Variants in SDK2 observed in about 807,000 individuals in gnomAD.
SDK2 encodes the protein protein sidekick-2.
In SDK2, 105 loss-of-function variants were observed where a neutral mutation model predicts 253.9. That is an observed-to-expected ratio of 0.41 (90% CI 0.35 to 0.49). The LOEUF is 0.49. SDK2 is among the 20% of genes least tolerant of loss of function. The pLI is 0.06. For synonymous variants in SDK2, 1,249 were observed against 1,234.9 expected (o/e 1.01, Z -0.24); for missense variants, 2,608 against 3,003.0 (o/e 0.87, Z 3.07).
chr17:73,386,364 C>G, intron 31 of SDK2, 81 bp downstream of exon 31: 1 of 1,019,938 alleles, frequency 9.8e-7, no homozygotes, highest in Non-Finnish European at 1.5e-6. Context: ...TTTGGAGGCC[C>G]CTCCCCCCGT....
chr17:73,348,697 G>C lies in SDK2; in HGVS notation c.6067C>G (p.Leu2023Val). 6.2e-7 allele frequency: 1 copy of C among 1,610,296 alleles called. No homozygotes were observed. ...RSPPRPSPGSLHYSDEDVTKY... is the reference protein window; with the variant it reads ...RSPPRPSPGSVHYSDEDVTKY... Reference sequence around the variant, plus strand: ...GTGACATCCTCATCCGAGTAGTGCAGGCTGCCTGGGCTGGGCCTGGGGGGA... The same window carrying C: ...GTGACATCCTCATCCGAGTAGTGCACGCTGCCTGGGCTGGGCCTGGGGGGA... Residue 2023 changes from leucine (L) to valine (V), a missense_variant, in exon 44 of 45, where the codon CTG becomes GTG. By Grantham distance (32) the Leu-to-Val change is conservative. Coordinates refer to ENST00000392650, the MANE Select transcript of SDK2 (RefSeq NM_001144952.2).
intron 3 of SDK2, among the ~76,000 whole-genome samples, chr17:73,458,276 G>T (rs2063541421): frequency 6.6e-6 from 1 of 152,356 alleles, no homozygotes; most frequent in South Asian, 2.1e-4. Context: ...TGTTCAGGTA[G>T]TTCCAACGTG....
At chr17:73,423,142 C>T (rs1239009925) in intron 14 of SDK2, among the ~76,000 whole-genome samples, 2 of 152,220 alleles carry the variant, frequency 1.3e-5, no homozygotes, top group African/African-American at 2.4e-5. Context: ...ATTTTCTTTG[C>T]AGCTTCTGCT....
chr17:73,536,451 CCT>C (rs1567828996), intron 1 of SDK2, among the ~76,000 whole-genome samples: 1 of 152,108 alleles, frequency 6.6e-6, no homozygotes, highest in Non-Finnish European at 1.5e-5. Flanking sequence ...GACCCCTGCA[CCT>C]CTCTGCCATC....
chr17:73,572,581 C>T (rs138353613), intron 1 of SDK2, among the ~76,000 whole-genome samples: 37 of 152,220 alleles, frequency 2.4e-4, no homozygotes, highest in East Asian at 1.5e-3. Context: ...ATTTGCTTAT[C>T]GCCTTCCTAT....
chr17:73,485,079 A>G (rs1205012985), intron 2 of SDK2, among the ~76,000 whole-genome samples: 3 of 152,294 alleles, frequency 2.0e-5, no homozygotes, highest in African/African-American at 4.8e-5. Flanking sequence ...ACTCTGAGGC[A>G]CTAGGCGTTA....
At chr17:73,340,509 G>T (rs2062425365) in intron 44 of SDK2, among the ~76,000 whole-genome samples, 2 of 152,084 alleles carry the variant, frequency 1.3e-5, no homozygotes, top group Non-Finnish European at 2.9e-5. Flanking sequence ...TGTTTTTGAG[G>T]TTCAACCACA....
chr17:73,453,970 C>A (rs1156478090), intron 4 of SDK2, among the ~76,000 whole-genome samples: 1 of 152,150 alleles, frequency 6.6e-6, no homozygotes, highest in Non-Finnish European at 1.5e-5. Flanking sequence ...TTAAAAAAAT[C>A]TTTTACACCA....
intron 1 of SDK2, among the ~76,000 whole-genome samples, chr17:73,547,576 C>T (rs563702969): frequency 6.6e-6 from 1 of 152,258 alleles, no homozygotes; most frequent in African/African-American, 2.4e-5. Context: ...CCATTCCCCA[C>T]CTCCCAATAG....
chr17:73,463,151 C>T (rs2063575213), intron 3 of SDK2, among the ~76,000 whole-genome samples: 1 of 152,172 alleles, frequency 6.6e-6, no homozygotes. Flanking sequence ...TAAGGGCTTG[C>T]CACACTGACT....
intron 1 of SDK2, among the ~76,000 whole-genome samples, chr17:73,600,972 G>A (rs1042535855): frequency 6.6e-6 from 1 of 152,016 alleles, no homozygotes; most frequent in African/African-American, 2.4e-5. Flanking sequence ...AGGCCTCAGG[G>A]CCTTTGGTGC....
chr17:73,450,629 ATC>A (rs1199491446), intron 4 of SDK2, among the ~76,000 whole-genome samples: 3 of 151,990 alleles, frequency 2.0e-5, no homozygotes, highest in Non-Finnish European at 4.4e-5. Context: ...CTCCAATTTC[ATC>A]TCTTTCTTGA....
At chr17:73,559,606 C>A (rs1440061434) in intron 1 of SDK2, among the ~76,000 whole-genome samples, 2 of 138,134 alleles carry the variant, frequency 1.4e-5, no homozygotes, top group Non-Finnish European at 3.1e-5. Flanking sequence ...GTGCCCCCCG[C>A]CCCCGCCACC....
At chr17:73,490,888 C>T (rs750573580) in intron 2 of SDK2, among the ~76,000 whole-genome samples, 13 of 152,074 alleles carry the variant, frequency 8.5e-5, no homozygotes, top group Non-Finnish European at 1.8e-4. Flanking sequence ...AACCACCCTA[C>T]GAGGTCAGAA....
At chr17:73,546,568 G>T (rs998451984) in intron 1 of SDK2, among the ~76,000 whole-genome samples, 1 of 152,214 alleles carries the variant, frequency 6.6e-6, no homozygotes, top group East Asian at 1.9e-4. Flanking sequence ...CTGACCAGAG[G>T]GAGCAAGGTG....
Position 73,631,599 on chromosome 17 carries a change from G to A in SDK2, c.64+12426C>T, listed in dbSNP as rs527618741. 4.6e-5 allele frequency among the ~76,000 whole-genome samples: 7 copies of A among 152,354 alleles called. No homozygotes were observed. In the South Asian group the frequency reaches 1.2e-3, roughly 27 times the overall value. ...CCAGCCAGGAACCCCGGGGAACTGG[G>A]TAAGCAGGCGGGCTGCTGACCAGAA... is the stretch of plus-strand genomic sequence containing the variant. On this transcript the variant is annotated intron_variant, in intron 1 of 44. Transcript: ENST00000392650.
At chr17:73,503,460 A>G (rs1477319878) in intron 2 of SDK2, among the ~76,000 whole-genome samples, 1 of 152,248 alleles carries the variant, frequency 6.6e-6, no homozygotes, top group Non-Finnish European at 1.5e-5. Flanking sequence ...GTGCATGTTT[A>G]TACGTGTGTA....
intron 4 of SDK2, among the ~76,000 whole-genome samples, chr17:73,449,856 G>A (rs34112147): frequency 6.6e-6 from 1 of 152,098 alleles, no homozygotes; most frequent in Admixed American, 6.5e-5. Flanking sequence ...CTGGGAGGCA[G>A]AGGTTGCGGC....
At chr17:73,417,298 C>T (rs928365139) in intron 16 of SDK2, among the ~76,000 whole-genome samples, 2 of 149,764 alleles carry the variant, frequency 1.3e-5, no homozygotes, top group Non-Finnish European at 1.5e-5. Context: ...CCCAGCTACT[C>T]GGGAGTCTGA....
Sources: allele counts gnomAD v4.1 joint callset (sites outside exome capture counted in the v4.1 genomes callset), GRCh38; gene constraint gnomAD v4.1.1; transcripts MANE v1.5; gene names NCBI Gene and HGNC (gene_info 2026-07-23, HGNC 2026-07-21).